Variants in QARS1 observed in about 807,000 individuals in gnomAD.
QARS1 encodes the protein glutamine--tRNA ligase.
In QARS1, 79 loss-of-function variants were observed where a neutral mutation model predicts 106.9. That is an observed-to-expected ratio of 0.74 (90% CI 0.62 to 0.89). The LOEUF (loss-of-function observed/expected upper bound fraction) is 0.89. Ranked by LOEUF, QARS1 falls within the 40% of genes least tolerant of loss-of-function variation. QARS1 has a pLI of 0.00. For synonymous variants in QARS1, 395 were observed against 367.7 expected, an observed-to-expected ratio of 1.07 and a Z score of -0.85; for missense variants, 966 against 997.2, an observed-to-expected ratio of 0.97 and a Z score of 0.42.
chr3:49,097,919 C>A, intron 23 of QARS1, 73 bp downstream of exon 23: 1 of 1,589,194 alleles, frequency 6.3e-7, no homozygotes, highest in Non-Finnish European at 8.6e-7. Flanking sequence ...GGAATGTATG[C>A]AGAGCACTTG....
chr3:49,097,290 AAAAT>A (rs1261726787), intron 23 of QARS1: 1 of 152,176 alleles, frequency 6.6e-6, no homozygotes, highest in East Asian at 2.0e-4. Context: ...CCCCGTCTCT[AAAAT>A]AAATAAAAAG....
At position 49,101,495 on chromosome 3, in the gene QARS1, A is replaced by C. The variant is rs368997687; in HGVS notation, c.790-54T>G. On this transcript the variant is annotated intron_variant, in intron 9 of 23. Transcript: ENST00000306125. ...ATAAAGTCTGAGCTCAGATGACCTT[A>C]AAGAAACAGATGTTCCCTCCCAGGA... 106 of 1,580,814 alleles carry C rather than the reference A, an allele frequency of 6.7e-5. 1 individual carries two copies. In the East Asian group the frequency reaches 1.2e-3, roughly 18 times the overall value.
chr3:49,104,021 G>A, intron 2 of QARS1, 49 bp from the exon 3 acceptor site: 1 of 1,498,708 alleles, frequency 6.7e-7, no homozygotes, highest in Non-Finnish European at 9.2e-7. Context: ...TCCAAGAAGT[G>A]GACAGACAGG....
chr3:49,101,389 G>A lies in QARS1; in HGVS notation c.842C>T (p.Ala281Val). ...EPNGILHIGH[A>V]KAINFNFGYA... ...GCCAAAGTTGAAATTGATGGCTTTG[G>A]CATGTCCAATATGCAGGATTCCATT... Residue 281 changes from alanine (A) to valine (V), a missense_variant, in exon 10 of 24, where the codon GCC (alanine) becomes GTC (valine). Transcript: ENST00000306125. 1 of 1,614,080 alleles carries A rather than the reference G, an allele frequency of 6.2e-7. No individual in the cohort carries two copies. Among genetic ancestry groups the A allele is most frequent in the Non-Finnish European group, 8.5e-7 (1 of 1,179,942 alleles).
At position 49,099,981 on chromosome 3, in the gene QARS1, G is replaced by A; in HGVS notation, c.1275C>T (p.His425=). ...CCCACCATTTGTCCCCTGTGCGGTG[G>A]TGTGGTGTATACTTGACTCGATAGG... is the stretch of plus-strand genomic sequence containing the variant. ...PVAYRVKYTP[H]HRTGDKWCIY... Residue 425 remains histidine, a synonymous_variant, in exon 14 of 24, where the codon CAC becomes CAT. Coordinates refer to ENST00000306125, the MANE Select transcript of QARS1 (RefSeq NM_005051.3). 6.2e-7 allele frequency: 1 copy of A among 1,614,172 alleles called. No homozygotes were observed. Among genetic ancestry groups the A allele is most frequent in the East Asian group, 2.2e-5 (1 of 44,888 alleles).
Position 49,103,866 on chromosome 3 carries a change from C to T in QARS1, c.372G>A (p.Glu124=), listed in dbSNP as rs749137403. ...CGATGCCTGGGGAAAGACTCACAGCCTCCTCAATCTGCTCTGGGGTCACAA... is the reference window on the plus strand; with the variant it reads ...CGATGCCTGGGGAAAGACTCACAGCTTCCTCAATCTGCTCTGGGGTCACAA... The part of the protein sequence containing the change: ...GVIVTPEQIE[E]AVEAAINRHR... The change falls in exon 3 of 24, where the codon GAG becomes GAA. Residue 124 remains glutamate (E), a synonymous_variant. Coordinates refer to ENST00000306125, the MANE Select transcript of QARS1 (RefSeq NM_005051.3). 24 of 1,613,832 alleles carry T rather than the reference C, an allele frequency of 1.5e-5. No homozygotes were observed. The highest frequency in any genetic ancestry group is 1.9e-5 in the Non-Finnish European group (23 of 1,179,930).
At chr3:49,100,832 C>T in intron 10 of QARS1, 158 bp from the exon 11 acceptor site, 1 of 718,220 alleles carries the variant, frequency 1.4e-6, no homozygotes, top group Non-Finnish European at 2.5e-6. Context: ...CTCACTGCAG[C>T]CTCCACCTCC....
At position 49,102,269 on chromosome 3, in the gene QARS1, A is replaced by G; in HGVS notation, c.571-4T>C. On this transcript the variant is annotated splice_polypyrimidine_tract_variant and splice_region_variant and intron_variant, in intron 6 of 23. Transcript: ENST00000306125. ...CTTCTAGCCGAGCTTTTGCCACCTG[A>G]AAGAAGCCCCAGGTGCTTCAGAAAA... 1 of 1,614,188 alleles carries G rather than the reference A, an allele frequency of 6.2e-7. No individual in the cohort carries two copies. The highest frequency in any genetic ancestry group is 8.5e-7 in the Non-Finnish European group (1 of 1,180,032).
At position 49,100,441 on chromosome 3, in the gene QARS1, C is replaced by T; in HGVS notation, c.994G>A (p.Val332Ile). Reference protein sequence around the residue: ...VAWLGYTPYKVTYASDYFDQL... With the variant: ...VAWLGYTPYKITYASDYFDQL... ...TCAAAATAGTCAGACGCATATGTGA[C>T]TTTGTAAGGTGTGTAGCCTGGGGCA... Residue 332 changes from valine to isoleucine, a missense_variant, in exon 12 of 24, where the codon GTC becomes ATC. By Grantham distance (29) the Val-to-Ile change is conservative. Coordinates refer to ENST00000306125, the MANE Select transcript of QARS1 (RefSeq NM_005051.3). 1.9e-6 allele frequency: 3 copies of T among 1,614,236 alleles called. No homozygotes were observed. Among genetic ancestry groups the T allele is most frequent in the Non-Finnish European group, 2.5e-6 (3 of 1,180,048 alleles).
rs587777334 is a variant in QARS1, at chr3:49,099,415, G to A, written c.1543C>T (p.Arg515Trp). The A allele has an allele frequency of 2.6e-5, 42 of 1,614,086 alleles. No individual in the cohort carries two copies. The highest frequency in any genetic ancestry group is 3.3e-5 in the Non-Finnish European group (39 of 1,180,044). The change falls in exon 17 of 24, where the codon CGG (arginine) becomes TGG (tryptophan). Residue 515 changes from arginine (R) to tryptophan (W), a missense_variant. Physicochemically the swap from Arg to Trp is moderately radical, Grantham distance 101 (BLOSUM62 -3). Coordinates refer to ENST00000306125, the MANE Select transcript of QARS1 (RefSeq NM_005051.3). ...TGAVRDWDDP[R>W]LFTLTALRRR... ...CGCAGGGCCGTGAGTGTAAAGAGCC[G>A]TGGGTCATCCCAGTCCCTGTGGATA...
Position 49,104,469 on chromosome 3 carries a change from A to G in QARS1, c.120T>C (p.Ala40=). 6.2e-7 allele frequency: 1 copy of G among 1,614,036 alleles called. No homozygotes were observed. The highest frequency in any genetic ancestry group is 8.5e-7 in the Non-Finnish European group (1 of 1,180,038). The part of the protein sequence containing the change: ...SAQLREAATQ[A]QQTLGSTIDK... Reference sequence around the variant, plus strand: ...CAATGGTGGAACCCAGGGTCTGCTGAGCCTGAGGTCAGAGGGGTCAAGAGA... The same window carrying G: ...CAATGGTGGAACCCAGGGTCTGCTGGGCCTGAGGTCAGAGGGGTCAAGAGA... The change falls in exon 2 of 24, where the codon GCT becomes GCC. Residue 40 remains alanine (A), a splice_region_variant and synonymous_variant. Coordinates refer to ENST00000306125, the MANE Select transcript of QARS1 (RefSeq NM_005051.3).
intron 23 of QARS1, chr3:49,096,967 A>C (rs2042401067): frequency 6.7e-6 from 1 of 150,168 alleles, no homozygotes; most frequent in Admixed American, 6.7e-5. Flanking sequence ...CCTGGGCAAC[A>C]GGGCGAGATA....
At position 49,104,359 on chromosome 3, in the gene QARS1, G is replaced by A. The variant is rs1575404328; in HGVS notation, c.230C>T (p.Ala77Val). 6.2e-7 allele frequency: 1 copy of A among 1,614,242 alleles called. No individual in the cohort carries two copies. Residue 77 changes from alanine to valine, a missense_variant, in exon 2 of 24, where the codon GCC becomes GTC. Transcript: ENST00000306125. ...RRLSFLVSYI[A>V]SKKIHTEPQL... ...GGGCTCAGTGTGGATCTTCTTACTG[G>A]CTATGTAGCTTACAAGGAAGGAGAG...
In QARS1 at chr3:49,098,534, T is replaced by G. The variant is rs563148564; in HGVS notation, c.1957-54A>C. The G allele has an allele frequency of 3.7e-6, 6 of 1,613,042 alleles. No individual in the cohort carries two copies. In the Admixed American group the frequency reaches 1.0e-4, roughly 27 times the overall value. ...TAGACCCGGGAACCACAACCAGGAC[T>G]GCAGGCTATACTCACATCTTGGCCC... On this transcript the variant is annotated intron_variant, in intron 20 of 23. Coordinates refer to ENST00000306125, the MANE Select transcript of QARS1 (RefSeq NM_005051.3).
intron 4 of QARS1, 22 bp from the exon 5 acceptor site, chr3:49,103,431 G>C (rs1421611661): frequency 1.2e-6 from 2 of 1,613,974 alleles, no homozygotes; most frequent in Non-Finnish European, 1.7e-6. Flanking sequence ...GGCACAAGGA[G>C]CTGCAGAAAG....
chr3:49,104,416 C>A lies in QARS1; in HGVS notation c.173G>T (p.Gly58Val), dbSNP rs199520568. The change falls in exon 2 of 24, where the codon GGC becomes GTC. Residue 58 changes from glycine to valine, a missense_variant. By Grantham distance (109) the Gly-to-Val change is moderately radical. Coordinates refer to ENST00000306125, the MANE Select transcript of QARS1 (RefSeq NM_005051.3). ...IDKATGILLYGLASRLRDTRR... is the reference protein window; with the variant it reads ...IDKATGILLYVLASRLRDTRR... ...GGTATCCCTGAGTCGGGAGGCCAAG[C>A]CATATAACAGGATCCCGGTAGCTTT... 28 of 1,614,046 alleles carry A rather than the reference C, an allele frequency of 1.7e-5. No homozygotes were observed. Among genetic ancestry groups the A allele is most frequent in the Non-Finnish European group, 2.3e-5 (27 of 1,180,040 alleles).
intron 2 of QARS1, 100 bp from the exon 3 acceptor site, chr3:49,104,072 GA>G (rs1378225637): frequency 3.2e-6 from 4 of 1,250,398 alleles, no homozygotes; most frequent in Non-Finnish European, 4.6e-6. Flanking sequence ...CTGGCCTCCT[GA>G]AAAGTTAAGC....
Position 49,103,706 on chromosome 3 carries a change from C to A in QARS1, c.376G>T (p.Val126Leu). 6.2e-7 allele frequency: 1 copy of A among 1,613,486 alleles called. No individual in the cohort carries two copies. The highest frequency in any genetic ancestry group is 8.5e-7 in the Non-Finnish European group (1 of 1,179,740). The change falls in exon 4 of 24, where the codon GTG (valine) becomes TTG (leucine). Residue 126 changes from valine to leucine, a missense_variant and splice_region_variant. By Grantham distance (32) the Val-to-Leu change is conservative (BLOSUM62 1). Transcript: ENST00000306125. ...IVTPEQIEEA[V>L]EAAINRHRPQ... ...CGGTGCCTGTTAATAGCAGCCTCCA[C>A]CTGCAGAAAGCCAAACCATGTGGTT...
rs147235292 is a variant in QARS1 at position 49,099,599 on chromosome 3, A to G, written c.1437T>C (p.Pro479=). The G allele has an allele frequency of 1.9e-6, 3 of 1,614,142 alleles. No individual in the cohort carries two copies. The highest frequency in any genetic ancestry group is 2.5e-6 in the Non-Finnish European group (3 of 1,179,960). ...WLCNALDVYC[P]VQWEYGRLNL... ...TGAGGCGGCCATACTCCCACTGCAC[A>G]GGGCAATAGACGTCCAGTGCATTGC... The change falls in exon 16 of 24, where the codon CCT becomes CCC. Residue 479 remains proline (P), a synonymous_variant. Transcript: ENST00000306125.
Sources: gnomAD v4.1 joint callset for allele counts on GRCh38, gnomAD v4.1.1 for gene constraint, MANE v1.5 for transcripts, NCBI Gene and HGNC (gene_info 2026-07-23, HGNC 2026-07-21) for gene names.